The following SOX6 variants were observed in gnomAD, a reference collection of about 807,000 sequenced individuals.
SOX6 encodes the protein transcription factor SOX-6.
Under a neutral mutation model 97.8 loss-of-function variants are expected in SOX6, and 11 were observed. The observed-to-expected ratio is 0.11, with a 90% CI of 0.07 to 0.19. The LOEUF is 0.19. SOX6 is among the 10% of genes least tolerant of loss of function. The pLI is 1.00. For synonymous variants in SOX6, 360 were observed against 371.4 expected, an observed-to-expected ratio of 0.97 and a Z score of 0.35; for missense variants, 810 against 1,039.5, an observed-to-expected ratio of 0.78 and a Z score of 3.04.
At chr11:16,502,176 G>A (rs2133144024) in intron 4 of SOX6, among the ~76,000 whole-genome samples, 1 of 152,234 alleles carries the variant, frequency 6.6e-6, no homozygotes, top group East Asian at 1.9e-4. Flanking sequence ...CATGGATGAG[G>A]CTGGAAACCA....
At chr11:16,701,370 T>A (rs981738310) in intron 3 of SOX6, among the ~76,000 whole-genome samples, 3 of 152,162 alleles carry the variant, frequency 2.0e-5, no homozygotes, top group Non-Finnish European at 4.4e-5. Flanking sequence ...TTAAATAAAA[T>A]TATGTTAAGG....
intron 9 of SOX6, among the ~76,000 whole-genome samples, chr11:16,068,947 T>C (rs756053660): frequency 2.0e-5 from 3 of 152,222 alleles, no homozygotes; most frequent in Non-Finnish European, 2.9e-5. Flanking sequence ...GCACCTAACA[T>C]AATGCCTGAC....
rs186752077 is a variant in SOX6, at chr11:16,702,552, T to A, written n.429+12278A>T. ...AAATTTACTCTGTATGTTTTCTGAG[T>A]CAGACCACAGGAGGACACTCCTACA... On this transcript the variant is annotated intron_variant and non_coding_transcript_variant, in intron 3 of 5. Coordinates refer to the SOX6 transcript ENST00000524520. 9.8e-5 allele frequency among the ~76,000 whole-genome samples: 15 copies of A among 152,288 alleles called. No individual in the cohort carries two copies. In the East Asian group the frequency reaches 1.5e-3, roughly 16 times the overall value.
chr11:16,278,320 A>G (rs1854456898), intron 3 of SOX6, among the ~76,000 whole-genome samples: 1 of 152,192 alleles, frequency 6.6e-6, no homozygotes, highest in African/African-American at 2.4e-5. Flanking sequence ...ATTCAAGTTA[A>G]AAACAAATGT....
At chr11:16,065,692 G>A (rs983985038) in intron 9 of SOX6, among the ~76,000 whole-genome samples, 7 of 152,018 alleles carry the variant, frequency 4.6e-5, no homozygotes, top group Non-Finnish European at 7.4e-5. Flanking sequence ...GGGCTAGAAA[G>A]ACAGGATATT....
intron 3 of SOX6, among the ~76,000 whole-genome samples, chr11:16,298,761 CTTA>C (rs1450896685): frequency 6.6e-6 from 1 of 151,860 alleles, no homozygotes; most frequent in East Asian, 1.9e-4. Context: ...CACTTATGTT[CTTA>C]TTATTCGTTT....
intron 1 of SOX6, among the ~76,000 whole-genome samples, chr11:16,389,168 G>T (rs1858084652): frequency 6.6e-6 from 1 of 152,060 alleles, no homozygotes; most frequent in Non-Finnish European, 1.5e-5. Context: ...CTGCAGACTT[G>T]AACTCCTGGA....
chr11:16,137,459 T>C (rs1397862744), intron 6 of SOX6, among the ~76,000 whole-genome samples: 1 of 151,870 alleles, frequency 6.6e-6, no homozygotes, highest in Non-Finnish European at 1.5e-5. Flanking sequence ...AATAAATAAA[T>C]AGCATGTGGG....
intron 3 of SOX6, among the ~76,000 whole-genome samples, chr11:16,616,453 A>G (rs7479519): frequency 0.24 from 36,953 of 151,888 alleles, 4,788 homozygotes; most frequent in Middle Eastern, 0.31. Flanking sequence ...ACTATTTTTT[A>G]AATTTCTAAA....
intron 1 of SOX6, among the ~76,000 whole-genome samples, chr11:16,375,944 C>T (rs529652271): frequency 9.2e-4 from 140 of 152,130 alleles, no homozygotes; most frequent in African/African-American, 3.3e-3. Flanking sequence ...AATCAAACAC[C>T]GCATGTTCTC....
At chr11:16,207,320 C>T (rs1384810284) in intron 4 of SOX6, among the ~76,000 whole-genome samples, 1 of 152,042 alleles carries the variant, frequency 6.6e-6, no homozygotes, top group Admixed American at 6.6e-5. Flanking sequence ...AGAACAAATT[C>T]GGCTGGGCGC....
At chr11:16,141,528 G>A (rs1007889968) in intron 6 of SOX6, among the ~76,000 whole-genome samples, 4 of 152,098 alleles carry the variant, frequency 2.6e-5, no homozygotes, top group Non-Finnish European at 5.9e-5. Flanking sequence ...CAGGACACTG[G>A]GTGCAGCTCA....
At chr11:16,361,360 A>G (rs1051665743), upstream of SOX6, among the ~76,000 whole-genome samples, 7 of 152,204 alleles carry the variant, frequency 4.6e-5, no homozygotes, top group Non-Finnish European at 8.8e-5. Context: ...CACGTCTTAA[A>G]AAAAATTGTA....
intron 4 of SOX6, among the ~76,000 whole-genome samples, chr11:16,609,152 T>C (rs1452359648): frequency 6.6e-6 from 1 of 152,126 alleles, no homozygotes; most frequent in Non-Finnish European, 1.5e-5. Context: ...TCTCAGGTAG[T>C]AGAGATGCAG....
At chr11:16,260,999 T>C (rs974138967) in intron 3 of SOX6, among the ~76,000 whole-genome samples, 1 of 152,188 alleles carries the variant, frequency 6.6e-6, no homozygotes, top group Non-Finnish European at 1.5e-5. Flanking sequence ...GTCTGAAACA[T>C]TCAACCACTC....
At chr11:16,501,285 C>T (rs1860702200) in intron 4 of SOX6, among the ~76,000 whole-genome samples, 1 of 152,148 alleles carries the variant, frequency 6.6e-6, no homozygotes, top group Admixed American at 6.6e-5. Flanking sequence ...GGATCCCTTC[C>T]TTACACCTTA....
intron 2 of SOX6, among the ~76,000 whole-genome samples, chr11:16,333,132 C>T (rs111811848): frequency 6.6e-6 from 1 of 152,008 alleles, no homozygotes; most frequent in Admixed American, 6.6e-5. Flanking sequence ...TGGAAAGCAA[C>T]CCTTTCCAAA....
At chr11:16,112,082 A>G (rs2133995227) in intron 6 of SOX6, among the ~76,000 whole-genome samples, 159 bp from the exon 7 acceptor site, 1 of 152,174 alleles carries the variant, frequency 6.6e-6, no homozygotes, top group East Asian at 1.9e-4. Flanking sequence ...AAATCCACCA[A>G]ATCCCTTTTC....
chr11:16,550,107 AC>A (rs1343777495), intron 4 of SOX6, among the ~76,000 whole-genome samples: 3 of 152,210 alleles, frequency 2.0e-5, no homozygotes, highest in Non-Finnish European at 4.4e-5. Flanking sequence ...AAAATGTGGC[AC>A]ATATACACCA....
Sources: allele counts gnomAD v4.1 joint callset (sites outside exome capture counted in the v4.1 genomes callset), GRCh38; gene constraint gnomAD v4.1.1; transcripts MANE v1.5; gene names NCBI Gene and HGNC (gene_info 2026-07-23, HGNC 2026-07-21).